The following SYNRG variants were observed in gnomAD, a reference collection of about 807,000 sequenced individuals.
SYNRG encodes the protein synergin gamma.
Under a neutral mutation model 130.9 loss-of-function variants are expected in SYNRG, and 37 were observed. That is an observed-to-expected ratio of 0.28 (90% CI 0.22 to 0.37). The LOEUF (loss-of-function observed/expected upper bound fraction) is 0.37. SYNRG is among the 10% of genes least tolerant of loss of function. SYNRG has a pLI of 1.00. For synonymous variants in SYNRG, 539 were observed against 568.1 expected (o/e 0.95, Z 0.73); for missense variants, 1,338 against 1,588.9 (o/e 0.84, Z 2.68).
At chr17:37,572,457 G>A (rs1020731525) in intron 8 of SYNRG, among the ~76,000 whole-genome samples, 2 of 152,022 alleles carry the variant, frequency 1.3e-5, no homozygotes, top group Non-Finnish European at 1.5e-5. Flanking sequence ...AAAAATTTGA[G>A]ATATTCAAGT....
At chr17:37,521,028 CTTTTCT>C (rs912814656) in intron 19 of SYNRG, among the ~76,000 whole-genome samples, 3 of 124,610 alleles carry the variant, frequency 2.4e-5, no homozygotes, top group Non-Finnish European at 4.8e-5. Flanking sequence ...AGAACTTTTT[CTTTTCT>C]TTTTTTTTTT....
intron 6 of SYNRG, among the ~76,000 whole-genome samples, chr17:37,578,558 G>C (rs962281200): frequency 6.6e-6 from 1 of 152,228 alleles, no homozygotes; most frequent in Non-Finnish European, 1.5e-5. Context: ...CCTCTGGCCA[G>C]TAACATCATC....
chr17:37,517,214 C>CAA lies in SYNRG; in HGVS notation c.*1724_*1725dup. On this transcript the variant is annotated 3_prime_UTR_variant, in exon 22 of 22. Transcript: ENST00000612223. ...GGGCAACAAGAGTGAAACTCCATCT[C>CAA]AAAAAAAAACAAAGAATTTTTAAGG... 2 of 150,662 alleles carry CAA rather than the reference C, an allele frequency of 1.3e-5. No homozygotes were observed. Among genetic ancestry groups the CAA allele is most frequent in the Non-Finnish European group, 2.9e-5 (2 of 68,002 alleles). The allele number at this position is 150,662 out of a possible 1,614,324, so 9.3% of individuals were successfully genotyped here.
At chr17:37,595,291 T>A (rs2062657009) in intron 3 of SYNRG, among the ~76,000 whole-genome samples, 2 of 152,226 alleles carry the variant, frequency 1.3e-5, no homozygotes, top group South Asian at 4.1e-4. Flanking sequence ...TATCACTTAT[T>A]TATAAGTTAT....
intron 14 of SYNRG, among the ~76,000 whole-genome samples, 163 bp from the exon 15 acceptor site, chr17:37,542,728 C>A (rs772514828): frequency 1.3e-5 from 2 of 152,100 alleles, no homozygotes; most frequent in African/African-American, 2.4e-5. Flanking sequence ...GCTGTAAAAT[C>A]TGATCTTAAA....
At chr17:37,561,434 T>C (rs2145670434) in intron 12 of SYNRG, 37 bp downstream of exon 12, 1 of 1,543,116 alleles carries the variant, frequency 6.5e-7, no homozygotes, top group Non-Finnish European at 9.0e-7. Flanking sequence ...GTATGCAATT[T>C]AGCATTCACA....
chr17:37,607,714 G>C (rs1224708665), intron 1 of SYNRG, among the ~76,000 whole-genome samples: 4 of 152,018 alleles, frequency 2.6e-5, no homozygotes, highest in Non-Finnish European at 4.4e-5. Flanking sequence ...GCTTGAACCC[G>C]GGAGGTCGAG....
chr17:37,520,319 A>C, intron 20 of SYNRG, 105 bp from the exon 21 acceptor site: 2 of 1,447,864 alleles, frequency 1.4e-6, no homozygotes, highest in Non-Finnish European at 9.7e-7. Context: ...CCTCCCCACT[A>C]TGCACAGGGT....
intron 19 of SYNRG, among the ~76,000 whole-genome samples, chr17:37,525,750 G>A (rs908716402): frequency 3.3e-5 from 5 of 150,170 alleles, no homozygotes; most frequent in African/African-American, 7.6e-5. Context: ...GGCGGATCAC[G>A]AGGTCAGGCT....
chr17:37,558,467 G>A (rs1425719183), intron 13 of SYNRG, among the ~76,000 whole-genome samples: 1 of 152,142 alleles, frequency 6.6e-6, no homozygotes, highest in Non-Finnish European at 1.5e-5. Flanking sequence ...TGACCTATGG[G>A]TTATCTAAAC....
At chr17:37,591,791 T>C (rs1289638546) in intron 3 of SYNRG, among the ~76,000 whole-genome samples, 1 of 152,204 alleles carries the variant, frequency 6.6e-6, no homozygotes, top group Non-Finnish European at 1.5e-5. Context: ...ATCTAAGTCT[T>C]AGATCTTACA....
At chr17:37,530,186 CA>C (rs1230329257) in intron 19 of SYNRG, among the ~76,000 whole-genome samples, 1 of 152,120 alleles carries the variant, frequency 6.6e-6, no homozygotes, top group Non-Finnish European at 1.5e-5. Flanking sequence ...TGAAGGAGGC[CA>C]CAAGGAATAG....
At position 37,536,067 on chromosome 17, in the gene SYNRG, A is replaced by G. The variant is rs745382202; in HGVS notation, c.3578T>C (p.Val1193Ala). 6.2e-7 allele frequency: 1 copy of G among 1,613,984 alleles called. No homozygotes were observed. Among genetic ancestry groups the G allele is most frequent in the Non-Finnish European group, 8.5e-7 (1 of 1,179,902 alleles). Residue 1193 changes from valine to alanine, a missense_variant, in exon 19 of 22, where the codon GTG (valine) becomes GCG (alanine). Coordinates refer to ENST00000612223, the MANE Select transcript of SYNRG (RefSeq NM_007247.6). The part of the protein sequence containing the change: ...RVELGIKATA[V>A]CSEKLQQLLK... ...CAACTGCTGGAGTTTCTCACTGCAC[A>G]CTGCAGTGGCTTTTATCCCCAGCTC...
intron 5 of SYNRG, 40 bp from the exon 6 acceptor site, chr17:37,584,799 C>T: frequency 6.7e-7 from 1 of 1,491,866 alleles, no homozygotes; most frequent in Non-Finnish European, 9.3e-7. Flanking sequence ...TTTACTTATC[C>T]CTCACTGTAT....
rs775432527 is a variant in SYNRG, at chr17:37,576,354, C to T, written c.888G>A (p.Glu296=). Residue 296 remains glutamate, a synonymous_variant, in exon 8 of 22, where the codon GAG becomes GAA. Coordinates refer to ENST00000612223, the MANE Select transcript of SYNRG (RefSeq NM_007247.6). ...AAGCTTTTTTACCTGGAACCAAACT[C>T]TCATTGTAAATCCAAGGAGGCATTC... The part of the protein sequence containing the change: ...QPRMPPWIYN[E]SLVPDAYKKI... The T allele has an allele frequency of 1.9e-6, 3 of 1,613,602 alleles. No homozygotes were observed. The highest frequency in any genetic ancestry group is 2.5e-6 in the Non-Finnish European group (3 of 1,179,858).
intron 14 of SYNRG, 51 bp downstream of exon 14, chr17:37,553,064 A>G (rs1178301731): frequency 1.9e-6 from 3 of 1,549,302 alleles, no homozygotes; most frequent in South Asian, 2.3e-5. Flanking sequence ...CCGCAGAATC[A>G]TCTTTGAAAT....
rs192440946 is a variant in SYNRG, at chr17:37,572,021, C to T, written c.902-34G>A. On this transcript the variant is annotated intron_variant, in intron 8 of 21. Coordinates refer to ENST00000612223, the MANE Select transcript of SYNRG (RefSeq NM_007247.6). ...GGAAAGACCAGATTACAAATGGAAACACATTCCAAGTGATTTATTTTTTGG... is the reference window on the plus strand; with the variant it reads ...GGAAAGACCAGATTACAAATGGAAATACATTCCAAGTGATTTATTTTTTGG... The T allele has an allele frequency of 4.9e-5, 77 of 1,557,004 alleles. No individual in the cohort carries two copies. In the East Asian group the frequency reaches 1.6e-3, roughly 31 times the overall value.
intron 19 of SYNRG, among the ~76,000 whole-genome samples, chr17:37,529,160 A>G (rs1400264657): frequency 6.6e-6 from 1 of 152,218 alleles, no homozygotes; most frequent in Non-Finnish European, 1.5e-5. Context: ...AAGGGCATAA[A>G]TGCCCAGCCC....
intron 19 of SYNRG, among the ~76,000 whole-genome samples, chr17:37,521,636 C>T (rs915736537): frequency 6.6e-5 from 10 of 152,262 alleles, no homozygotes; most frequent in African/African-American, 2.2e-4. Flanking sequence ...AGATCCCTCT[C>T]GCTACAGTAT....
Sources: gnomAD v4.1 joint callset for allele counts (sites outside exome capture counted in the v4.1 genomes callset) on GRCh38, gnomAD v4.1.1 for gene constraint, MANE v1.5 for transcripts, NCBI Gene and HGNC (gene_info 2026-07-23, HGNC 2026-07-21) for gene names.